Variants in FECH observed in about 807,000 individuals in gnomAD.
FECH encodes ferrochelatase, mitochondrial.
In FECH, 40 loss-of-function variants were observed where a neutral mutation model predicts 56.9. The observed-to-expected ratio is 0.70, with a 90% CI of 0.55 to 0.92. The LOEUF (loss-of-function observed/expected upper bound fraction) is 0.92, where lower values mean the gene tolerates loss of function less well. Ranked by LOEUF, FECH falls within the 40% of genes least tolerant of loss-of-function variation. The pLI, the probability that FECH is intolerant of heterozygous loss-of-function variation, is 0.00. For synonymous variants in FECH, 175 were observed against 198.6 expected (o/e 0.88, Z 1.00); for missense variants, 431 against 529.1 (o/e 0.81, Z 1.82).
chr18:57,550,595 G>T lies in FECH; in HGVS notation c.*117C>A. 7.6e-7 allele frequency: 1 copy of T among 1,319,168 alleles called. No homozygotes were observed. The highest frequency in any genetic ancestry group is 1.1e-6 in the Non-Finnish European group (1 of 930,824). The allele number at this position is 1,319,168 out of a possible 1,614,324, so 81.7% of individuals were successfully genotyped here. On this transcript the variant is annotated 3_prime_UTR_variant, in exon 11 of 11. Coordinates refer to ENST00000262093, the MANE Select transcript of FECH (RefSeq NM_000140.5). Reference sequence around the variant, plus strand: ...ACCACACAATTTGTACCCAAAGGCTGTATATATATCAAGGAAGGATGACTT... The same window carrying T: ...ACCACACAATTTGTACCCAAAGGCTTTATATATATCAAGGAAGGATGACTT...
chr18:57,553,806 T>C (rs1390485314), intron 9 of FECH, among the ~76,000 whole-genome samples: 2 of 152,232 alleles, frequency 1.3e-5, no homozygotes, highest in South Asian at 2.1e-4. Context: ...TTCTTTTAAA[T>C]GACAATGACT....
Position 57,550,638 on chromosome 18 carries a change from A to G in FECH, c.*74T>C. ...GATGACTTCCTTCCTTGATCTCTAA[A>G]TAACACCCTCTCCACATCGGAGGTA... On this transcript the variant is annotated 3_prime_UTR_variant, in exon 11 of 11. Transcript: ENST00000262093. 1 of 1,596,112 alleles carries G rather than the reference A, an allele frequency of 6.3e-7. No individual in the cohort carries two copies. Among genetic ancestry groups the G allele is most frequent in the Non-Finnish European group, 8.6e-7 (1 of 1,165,710 alleles).
At position 57,586,662 on chromosome 18, in the gene FECH, C is replaced by G; in HGVS notation, c.-42G>C. The G allele has an allele frequency of 6.7e-7, 1 of 1,483,446 alleles. No homozygotes were observed. Among genetic ancestry groups the G allele is most frequent in the Non-Finnish European group, 8.9e-7 (1 of 1,121,844 alleles). The allele number at this position is 1,483,446 out of a possible 1,614,324, so 91.9% of individuals were successfully genotyped here. A position where few individuals can be genotyped will look rare whatever the true frequency, so the allele number is the denominator to read the frequency against. ...GCCCGAGTCCGGGCTCCTCCCGCGG[C>G]GGCGCGCCCAGGTGTCCGCCCAGCA... On this transcript the variant is annotated 5_prime_UTR_variant, in exon 1 of 11. Coordinates refer to ENST00000262093, the MANE Select transcript of FECH (RefSeq NM_000140.5).
Position 57,573,312 on chromosome 18 carries a change from C to G in FECH, c.248G>C (p.Gly83Ala), listed in dbSNP as rs767987821. The G allele has an allele frequency of 2.5e-6, 4 of 1,614,072 alleles. No individual in the cohort carries two copies. Among genetic ancestry groups the G allele is most frequent in the Non-Finnish European group, 2.5e-6 (3 of 1,179,964 alleles). ...MLNMGGPETL[G>A]DVHDFLLRLF... is the part of the protein sequence containing the mutation. Reference sequence around the variant, plus strand: ...TCTCAGAAGGAAGTCGTGAACATCTCCAAGAGTTTCAGGGCCTCCCATGTT... The same window carrying G: ...TCTCAGAAGGAAGTCGTGAACATCTGCAAGAGTTTCAGGGCCTCCCATGTT... Residue 83 changes from glycine to alanine, a missense_variant, in exon 3 of 11, where the codon GGA becomes GCA. Physicochemically the swap from Gly to Ala is moderately conservative, Grantham distance 60. Transcript: ENST00000262093.
At chr18:57,559,432 A>G (rs1253366317) in intron 6 of FECH, among the ~76,000 whole-genome samples, 189 bp from the exon 7 acceptor site, 1 of 152,222 alleles carries the variant, frequency 6.6e-6, no homozygotes, top group Non-Finnish European at 1.5e-5. Context: ...AATGGATCAT[A>G]ACAGTTTCAG....
chr18:57,558,329 G>C (rs1450869983), intron 7 of FECH, among the ~76,000 whole-genome samples: 9 of 152,208 alleles, frequency 5.9e-5, no homozygotes. Context: ...ACAGATTGTA[G>C]CATCTGGATG....
chr18:57,551,127 T>C (rs986117493), intron 10 of FECH, 188 bp downstream of exon 10: 7 of 642,854 alleles, frequency 1.1e-5, no homozygotes, highest in African/African-American at 9.2e-5. Context: ...TATAGGTGGG[T>C]AGAAATCAGA....
At position 57,559,132 on chromosome 18, in the gene FECH, T is replaced by C. The variant is rs759934418; in HGVS notation, c.804+13A>G. On this transcript the variant is annotated intron_variant, in intron 7 of 10. Transcript: ENST00000262093. The stretch of plus-strand genomic sequence containing the variant: ...TCTATCACTAGGTCATCCCAGAAAA[T>C]GTTCTTACTTACAGACATGGGCAGT... The C allele has an allele frequency of 1.9e-6, 3 of 1,555,880 alleles. No homozygotes were observed. The highest frequency in any genetic ancestry group is 3.3e-5 in the Admixed American group (2 of 59,926).
rs138160209 is a variant in FECH at position 57,567,811 on chromosome 18, A to G, written c.464-1230T>C. ...ATTCCCAAGGGAGAAGCAGAATGCC[A>G]TTAGGCGAGAGAAGCACATGTGTGC... is the stretch of plus-strand genomic sequence containing the variant. On this transcript the variant is annotated intron_variant, in intron 4 of 10. Coordinates refer to ENST00000262093, the MANE Select transcript of FECH (RefSeq NM_000140.5). The G allele has an allele frequency of 2.6e-5, 4 of 152,370 alleles. No homozygotes were observed. In the East Asian group the frequency reaches 7.7e-4, roughly 29 times the overall value. The allele number at this position is 152,370 out of a possible 1,614,324, so 9.4% of individuals were successfully genotyped here. A position where few individuals can be genotyped will look rare whatever the true frequency, so the allele number is the denominator to read the frequency against.
In FECH at chr18:57,573,269, G is replaced by A. The variant is rs577947755; in HGVS notation, c.291C>T (p.Asp97=). ...ACTTCTGAATAGGAAGTGTCATGAG[G>A]TCTCGGTCCAAGAAGAGTCTCAGAA... The part of the protein sequence containing the change: ...DFLLRLFLDR[D]LMTLPIQNKL... Residue 97 remains aspartate (D), a synonymous_variant, in exon 3 of 11, where the codon GAC becomes GAT. Transcript: ENST00000262093. 498 of 1,613,718 alleles carry A rather than the reference G, an allele frequency of 3.1e-4. 6 individuals carry two copies. In the South Asian group the frequency reaches 5.2e-3, roughly 17 times the overall value.
rs761962617 is a variant in FECH, at chr18:57,559,242, C to T, written c.707G>A (p.Cys236Tyr). 1.6e-5 allele frequency: 25 copies of T among 1,598,058 alleles called. No individual in the cohort carries two copies. The highest frequency in any genetic ancestry group is 2.0e-5 in the Non-Finnish European group (23 of 1,165,668). ...RWPTHHLLIQ[C>Y]FADHILKELD... ...TTCCTTTAGAATATGATCTGCAAAG[C>T]ACTGAGTGAGTAACAAGAAAGGAGG... Residue 236 changes from cysteine to tyrosine, a missense_variant and splice_region_variant, in exon 7 of 11, where the codon TGC becomes TAC. Physicochemically the swap from Cys to Tyr is radical, Grantham distance 194 (BLOSUM62 -2). Coordinates refer to ENST00000262093, the MANE Select transcript of FECH (RefSeq NM_000140.5).
At chr18:57,555,082 T>C (rs2050851995) in intron 7 of FECH, 130 bp from the exon 8 acceptor site, 2 of 745,520 alleles carry the variant, frequency 2.7e-6, no homozygotes, top group African/African-American at 1.7e-5. Context: ...CCAATGATGA[T>C]ATGGTCTGAG....
chr18:57,552,939 T>C (rs1017400745), intron 9 of FECH, among the ~76,000 whole-genome samples: 1 of 152,144 alleles, frequency 6.6e-6, no homozygotes, highest in African/African-American at 2.4e-5. Flanking sequence ...CATGTGCACC[T>C]GTAGTCCCAG....
intron 1 of FECH, among the ~76,000 whole-genome samples, chr18:57,581,825 A>G (rs2051282788): frequency 6.6e-6 from 1 of 152,216 alleles, no homozygotes; most frequent in Non-Finnish European, 1.5e-5. Context: ...ATCACCTAGC[A>G]TGTCTGTAAA....
rs76175837 is a variant in FECH, at chr18:57,550,016, G to A, written c.*696C>T. 0.018 allele frequency: 2,775 copies of A among 152,280 alleles called. 44 individuals carry two copies. Among genetic ancestry groups the A allele is most frequent in the East Asian group, 0.09 (465 of 5,166 alleles). 9.4% of individuals were successfully genotyped at this position (152,280 alleles called of 1,614,324 possible). A position where few individuals can be genotyped will look rare whatever the true frequency, so the allele number is the denominator to read the frequency against. ...GCACCACGGACTCCCACCAAGGCACGTATCATGAACACTGTACTTGTACAC... is the reference window on the plus strand; with the variant it reads ...GCACCACGGACTCCCACCAAGGCACATATCATGAACACTGTACTTGTACAC... On this transcript the variant is annotated 3_prime_UTR_variant, in exon 11 of 11. Coordinates refer to ENST00000262093, the MANE Select transcript of FECH (RefSeq NM_000140.5).
chr18:57,581,352 A>G (rs72940378), intron 1 of FECH, among the ~76,000 whole-genome samples: 2,303 of 152,344 alleles, frequency 0.015, 20 homozygotes, highest in Non-Finnish European at 0.024. Context: ...CTCAGCTGTC[A>G]TATGAAGAGT....
Position 57,554,836 on chromosome 18 carries a change from G to A in FECH, c.912+9C>T, listed in dbSNP as rs1385063139. The A allele has an allele frequency of 6.2e-7, 1 of 1,610,082 alleles. No homozygotes were observed. Among genetic ancestry groups the A allele is most frequent in the East Asian group, 2.2e-5 (1 of 44,860 alleles). On this transcript the variant is annotated intron_variant, in intron 8 of 10. Transcript: ENST00000262093. ...GAGCTGGCCGCCCGCCAGTGTGGAA[G>A]CCACTTACCTTGGATTGCCACACCA...
chr18:57,576,071 G>T (rs1457002974), intron 2 of FECH, among the ~76,000 whole-genome samples: 6 of 152,152 alleles, frequency 3.9e-5, no homozygotes, highest in Non-Finnish European at 2.9e-5. Flanking sequence ...TGTTGTAGAG[G>T]ACGGCCCTGT....
At chr18:57,576,514 G>C (rs1316711141) in intron 2 of FECH, among the ~76,000 whole-genome samples, 1 of 152,106 alleles carries the variant, frequency 6.6e-6, no homozygotes, top group Non-Finnish European at 1.5e-5. Context: ...CCCATGGATT[G>C]CTGCCAGTTA....
Sources: gnomAD v4.1 joint callset for allele counts (sites outside exome capture counted in the v4.1 genomes callset) on GRCh38, gnomAD v4.1.1 for gene constraint, MANE v1.5 for transcripts, NCBI Gene and HGNC (gene_info 2026-07-23, HGNC 2026-07-21) for gene names.